C8orf34: variants seen among roughly 807,000 people sequenced by gnomAD.
C8orf34 encodes the protein chromosome 8 open reading frame 34.
Under a neutral mutation model 68.3 loss-of-function variants are expected in C8orf34, and 65 were observed. That is an observed-to-expected ratio of 0.95 (90% confidence interval 0.78 to 1.17). The LOEUF is 1.17. C8orf34 is among the 50% of genes most tolerant of loss of function. The pLI, the probability that C8orf34 is intolerant of heterozygous loss-of-function variation, is 0.00. For synonymous variants in C8orf34, 244 were observed against 241.2 expected (o/e 1.01, Z -0.11); for missense variants, 664 against 655.4 (o/e 1.01, Z -0.14).
At chr8:68,767,328 AAT>A (rs1335435134) in intron 10 of C8orf34, among the ~76,000 whole-genome samples, 1 of 152,206 alleles carries the variant, frequency 6.6e-6, no homozygotes, top group African/African-American at 2.4e-5. Context: ...GCATTTAAAA[AAT>A]AGTTTTATCA....
chr8:68,667,028 A>G (rs1819863589), intron 8 of C8orf34, among the ~76,000 whole-genome samples: 1 of 152,202 alleles, frequency 6.6e-6, no homozygotes, highest in Non-Finnish European at 1.5e-5. Flanking sequence ...TCGCTGAAGG[A>G]GAGAACTCAC....
intron 1 of C8orf34, among the ~76,000 whole-genome samples, chr8:68,417,802 T>C (rs1809743234): frequency 6.6e-6 from 1 of 152,092 alleles, no homozygotes; most frequent in Non-Finnish European, 1.5e-5. Flanking sequence ...CATATGAACA[T>C]TAAAGTAGTT....
intron 5 of C8orf34, among the ~76,000 whole-genome samples, chr8:68,516,491 C>T (rs1486038324): frequency 1.3e-5 from 2 of 152,102 alleles, no homozygotes; most frequent in East Asian, 3.8e-4. Flanking sequence ...CTTGGAATAA[C>T]CACTGAAAGC....
chr8:68,502,150 C>G (rs572682407), intron 5 of C8orf34, among the ~76,000 whole-genome samples: 1 of 152,250 alleles, frequency 6.6e-6, no homozygotes, highest in African/African-American at 2.4e-5. Flanking sequence ...ACTGTAACCT[C>G]CGCCTCCCAG....
chr8:68,632,378 G>C (rs192007090), intron 7 of C8orf34, among the ~76,000 whole-genome samples: 1 of 152,278 alleles, frequency 6.6e-6, no homozygotes. Context: ...TTTGGTAAAA[G>C]TGTATGCCCA....
chr8:68,809,928 A>G (rs1824596246), intron 12 of C8orf34, among the ~76,000 whole-genome samples: 1 of 152,238 alleles, frequency 6.6e-6, no homozygotes, highest in South Asian at 2.1e-4. Context: ...ACAGAGCTCC[A>G]AAAGTGTGAC....
intron 8 of C8orf34, among the ~76,000 whole-genome samples, chr8:68,705,687 C>T (rs1235581542): frequency 6.6e-6 from 1 of 150,936 alleles, no homozygotes; most frequent in African/African-American, 2.4e-5. Context: ...GAAAAGGAAA[C>T]AGCTAGTTAT....
Position 68,762,478 on chromosome 8 carries a change from T to C in C8orf34, c.1405-13921T>C, listed in dbSNP as rs184345686. On this transcript the variant is annotated intron_variant, in intron 10 of 13. Coordinates refer to ENST00000518698, the MANE Select transcript of C8orf34 (RefSeq NM_052958.4). Reference sequence around the variant, plus strand: ...ACATTGAAAGTCCATAAAATTACACTATACATGTTACAAGAATTATTCTGT... The same window carrying C: ...ACATTGAAAGTCCATAAAATTACACCATACATGTTACAAGAATTATTCTGT... 6.3e-4 allele frequency among the ~76,000 whole-genome samples: 96 copies of C among 152,328 alleles called. No individual in the cohort carries two copies. In the East Asian group the frequency reaches 0.014, roughly 23 times the overall value.
At chr8:68,399,145 T>A (rs1296913961) in intron 1 of C8orf34, among the ~76,000 whole-genome samples, 6 of 152,078 alleles carry the variant, frequency 3.9e-5, no homozygotes, top group Admixed American at 1.3e-4. Flanking sequence ...ATAGTGAAAA[T>A]TTATTTATTT....
Position 68,640,414 on chromosome 8 carries a change from C to T in C8orf34, c.1144C>T (p.Leu382=). Residue 382 remains leucine, a synonymous_variant, in exon 8 of 14, where the codon CTG becomes TTG. Transcript: ENST00000518698. ...NDLRMEGVTT[L]VPSGSKFNQG... ...TTTAAGAATGGAGGGAGTAACAACC[C>T]TGGTACCTTCTGGGAGCAAATTTAA... The T allele has an allele frequency of 6.2e-7, 1 of 1,613,646 alleles. No individual in the cohort carries two copies. The highest frequency in any genetic ancestry group is 8.5e-7 in the Non-Finnish European group (1 of 1,179,794).
intron 7 of C8orf34, among the ~76,000 whole-genome samples, chr8:68,574,200 T>TA (rs1189878922): frequency 6.6e-6 from 1 of 152,116 alleles, no homozygotes. Context: ...TATACATATG[T>TA]AAGTATTAAT....
At position 68,787,524 on chromosome 8, in the gene C8orf34, G is replaced by A; in HGVS notation, c.1537G>A (p.Glu513Lys). ...SDTESEGVEAEQEKRSADLLL... is the reference protein window; with the variant it reads ...SDTESEGVEAKQEKRSADLLL... ...CACAGAAAGTGAAGGAGTGGAAGCA[G>A]AACAAGAGAAACGTGAGTAGACACT... Residue 513 changes from glutamate to lysine, a missense_variant, in exon 12 of 14, where the codon GAA (glutamate) becomes AAA (lysine). Transcript: ENST00000518698. 6.2e-7 allele frequency: 1 copy of A among 1,606,414 alleles called. No individual in the cohort carries two copies. The highest frequency in any genetic ancestry group is 8.5e-7 in the Non-Finnish European group (1 of 1,175,186).
intron 7 of C8orf34, among the ~76,000 whole-genome samples, chr8:68,567,972 G>A (rs1816646352): frequency 6.6e-6 from 1 of 151,752 alleles, no homozygotes; most frequent in Non-Finnish European, 1.5e-5. Context: ...GAGGCCATTG[G>A]GGGATTATTA....
At chr8:68,352,003 AG>A (rs1411269599) in intron 1 of C8orf34, among the ~76,000 whole-genome samples, 1 of 151,912 alleles carries the variant, frequency 6.6e-6, no homozygotes, top group Admixed American at 6.6e-5. Flanking sequence ...TTCTTTGGTG[AG>A]CTGTTTGTTA....
At chr8:68,800,375 T>A (rs534217172) in intron 12 of C8orf34, among the ~76,000 whole-genome samples, 27 of 152,314 alleles carry the variant, frequency 1.8e-4, no homozygotes, top group East Asian at 1.5e-3. Context: ...GGGTTTTTTT[T>A]AAGAAAGCTA....
intron 10 of C8orf34, among the ~76,000 whole-genome samples, chr8:68,722,953 T>G (rs1484015763): frequency 6.6e-6 from 1 of 152,078 alleles, no homozygotes; most frequent in Non-Finnish European, 1.5e-5. Flanking sequence ...CTTGGCATTT[T>G]CAACAGGATA....
chr8:68,665,957 C>G (rs958037903), intron 8 of C8orf34, among the ~76,000 whole-genome samples: 17 of 152,132 alleles, frequency 1.1e-4, no homozygotes, highest in Non-Finnish European at 5.9e-5. Flanking sequence ...CATATAATTA[C>G]CAAATCATTG....
chr8:68,706,403 C>T (rs1306484204), intron 8 of C8orf34, among the ~76,000 whole-genome samples: 1 of 151,378 alleles, frequency 6.6e-6, no homozygotes. Context: ...AGGAGAGTGA[C>T]ACTGTGAAAG....
intron 1 of C8orf34, among the ~76,000 whole-genome samples, chr8:68,384,691 G>T (rs1808185838): frequency 6.6e-6 from 1 of 152,176 alleles, no homozygotes; most frequent in Admixed American, 6.6e-5. Flanking sequence ...TACATAAAAT[G>T]CTTTGACAAG....
Sources: allele counts gnomAD v4.1 joint callset (sites outside exome capture counted in the v4.1 genomes callset), GRCh38; gene constraint gnomAD v4.1.1; transcripts MANE v1.5; gene names NCBI Gene and HGNC (gene_info 2026-07-23, HGNC 2026-07-21).